The following TNS3 variants were observed in gnomAD, a reference collection of about 807,000 sequenced individuals.
TNS3 encodes tensin-3.
Under a neutral mutation model 140.9 loss-of-function variants are expected in TNS3, and 45 were observed. The ratio of observed to expected loss-of-function variants is 0.32; its 90% CI spans 0.25 to 0.41. The LOEUF is 0.41. Among genes scored for constraint, TNS3 ranks in the 10% least tolerant of loss-of-function variants. The probability of loss-of-function intolerance (pLI) is 1.00; values close to 1 mark genes in which losing one functional copy is unlikely to be tolerated. For synonymous variants in TNS3, 815 were observed against 788.4 expected (o/e 1.03, Z -0.56); for missense variants, 1,716 against 1,906.7 (o/e 0.90, Z 1.86).
intron 27 of TNS3, among the ~76,000 whole-genome samples, chr7:47,290,196 T>A (rs921787776): frequency 2.6e-5 from 4 of 152,116 alleles, no homozygotes; most frequent in Non-Finnish European, 4.4e-5. Flanking sequence ...AAATAAAAAA[T>A]GAATCAAGAC....
chr7:47,291,404 T>G (rs1161211777), intron 27 of TNS3, among the ~76,000 whole-genome samples: 2 of 152,168 alleles, frequency 1.3e-5, no homozygotes, highest in Non-Finnish European at 2.9e-5. Context: ...TGCTGGGGGA[T>G]GTTGACAGCG....
At chr7:47,478,048 G>A (rs1327155406) in intron 4 of TNS3, among the ~76,000 whole-genome samples, 5 of 152,134 alleles carry the variant, frequency 3.3e-5, no homozygotes, top group African/African-American at 1.2e-4. Context: ...GGCATCAAAG[G>A]CCCTCTCATG....
At chr7:47,366,409 G>C (rs932139927) in intron 17 of TNS3, among the ~76,000 whole-genome samples, 1 of 152,232 alleles carries the variant, frequency 6.6e-6, no homozygotes, top group East Asian at 1.9e-4. Flanking sequence ...CACACACCTA[G>C]TACATGAAAG....
At chr7:47,324,287 A>C (rs1787908889) in intron 20 of TNS3, among the ~76,000 whole-genome samples, 3 of 152,124 alleles carry the variant, frequency 2.0e-5, no homozygotes, top group Non-Finnish European at 4.4e-5. Flanking sequence ...TTTTTACTTT[A>C]TTATATAAAT....
rs558551943 is a variant in TNS3 at position 47,303,073 on chromosome 7, C to T, written c.3334G>A (p.Gly1112Ser). ...KRASEGDRSL[G>S]SVSPSSSGFS... ...CCACTGGAGGAGGGAGAGACTGAGC[C>T]CAAAGAACGATCCCCCTCCGAGGCC... Residue 1112 changes from glycine to serine, a missense_variant, in exon 22 of 31, where the codon GGC becomes AGC. By Grantham distance (56) the Gly-to-Ser change is moderately conservative (BLOSUM62 0). Coordinates refer to ENST00000311160, the MANE Select transcript of TNS3 (RefSeq NM_022748.12). 3.7e-6 allele frequency: 6 copies of T among 1,614,180 alleles called. No individual in the cohort carries two copies. The African/African-American group carries it at 6.7e-5, about 18-fold the overall frequency.
intron 1 of TNS3, among the ~76,000 whole-genome samples, chr7:47,568,474 A>G (rs1800478985): frequency 6.6e-6 from 1 of 152,190 alleles, no homozygotes; most frequent in African/African-American, 2.4e-5. Context: ...TGAGGGTTAA[A>G]TGTATCTGAG....
chr7:47,408,912 C>T (rs2151391003), intron 13 of TNS3, among the ~76,000 whole-genome samples: 1 of 152,266 alleles, frequency 6.6e-6, no homozygotes. Flanking sequence ...TCATCAAGGC[C>T]TCTGTAGGCT....
chr7:47,432,775 T>C (rs1030779046), intron 8 of TNS3, among the ~76,000 whole-genome samples: 2 of 152,282 alleles, frequency 1.3e-5, no homozygotes, highest in African/African-American at 4.8e-5. Context: ...GGAACTGAAG[T>C]AGGACATCTT....
intron 4 of TNS3, among the ~76,000 whole-genome samples, chr7:47,458,596 G>T (rs1796354551): frequency 6.6e-6 from 1 of 152,152 alleles, no homozygotes; most frequent in Admixed American, 6.5e-5. Flanking sequence ...TGAAAAACGG[G>T]GCTGCTCAAG....
intron 13 of TNS3, among the ~76,000 whole-genome samples, chr7:47,409,719 G>C (rs1313995939): frequency 6.6e-6 from 1 of 152,030 alleles, no homozygotes; most frequent in Non-Finnish European, 1.5e-5. Context: ...GTGCAGTAGC[G>C]CAATTTTGGC....
chr7:47,396,733 T>C, intron 16 of TNS3, 67 bp downstream of exon 16: 1 of 1,320,924 alleles, frequency 7.6e-7, no homozygotes, highest in Non-Finnish European at 1.1e-6. Context: ...ATACTTCAGA[T>C]ATTTGAGTGG....
chr7:47,555,713 G>A (rs532521768), intron 1 of TNS3, among the ~76,000 whole-genome samples: 1 of 152,352 alleles, frequency 6.6e-6, no homozygotes, highest in South Asian at 2.1e-4. Context: ...TGAAGGCTCA[G>A]ATGATTGTTA....
At chr7:47,560,430 C>T (rs1456774114) in intron 1 of TNS3, among the ~76,000 whole-genome samples, 2 of 152,182 alleles carry the variant, frequency 1.3e-5, no homozygotes, top group African/African-American at 2.4e-5. Flanking sequence ...GTTGTAGCAG[C>T]ACAAACCAAT....
At chr7:47,554,431 AAAAAAAAAAC>A (rs1212853288) in intron 1 of TNS3, among the ~76,000 whole-genome samples, 3 of 150,578 alleles carry the variant, frequency 2.0e-5, no homozygotes, top group South Asian at 2.1e-4. Flanking sequence ...AAAAAAAACA[AAAAAAAAAAC>A]AAATCTGGAA....
At chr7:47,443,857 G>C (rs1477695937) in intron 4 of TNS3, among the ~76,000 whole-genome samples, 1 of 152,134 alleles carries the variant, frequency 6.6e-6, no homozygotes, top group East Asian at 1.9e-4. Context: ...GGAGGAGGAG[G>C]TTGCAGTGAG....
At chr7:47,433,259 G>A (rs1795012252) in intron 8 of TNS3, among the ~76,000 whole-genome samples, 1 of 152,216 alleles carries the variant, frequency 6.6e-6, no homozygotes, top group African/African-American at 2.4e-5. Context: ...TTTCACCCCC[G>A]CAGTGATGAT....
At chr7:47,527,618 G>T (rs957705645) in intron 2 of TNS3, among the ~76,000 whole-genome samples, 1 of 152,100 alleles carries the variant, frequency 6.6e-6, no homozygotes, top group Non-Finnish European at 1.5e-5. Flanking sequence ...GTGCAGTGCC[G>T]TTTGCAAGTA....
intron 20 of TNS3, among the ~76,000 whole-genome samples, chr7:47,333,239 T>G (rs1451784563): frequency 6.6e-6 from 1 of 152,168 alleles, no homozygotes; most frequent in Admixed American, 6.5e-5. Context: ...CTTTTAAATA[T>G]AATTTAGAAG....
At position 47,368,680 on chromosome 7, in the gene TNS3, T is replaced by C. The variant is rs1267317831; in HGVS notation, c.1966A>G (p.Thr656Ala). 8 of 1,596,332 alleles carry C rather than the reference T, an allele frequency of 5.0e-6. No homozygotes were observed. The East Asian group carries it at 1.8e-4, about 36-fold the overall frequency. ...GVGSGPHPPDTQQPSPSKAFK... is the reference protein window; with the variant it reads ...GVGSGPHPPDAQQPSPSKAFK... ...GCTTTGCTGGGAGAGGGCTGCTGTG[T>C]GTCAGGGGGATGTGGCCCACTGCCT... Residue 656 changes from threonine to alanine, a missense_variant, in exon 17 of 31, where the codon ACA (threonine) becomes GCA (alanine). Transcript: ENST00000311160.
Sources: allele counts gnomAD v4.1 joint callset (sites outside exome capture counted in the v4.1 genomes callset), GRCh38; gene constraint gnomAD v4.1.1; transcripts MANE v1.5; gene names NCBI Gene and HGNC (gene_info 2026-07-23, HGNC 2026-07-21).